MYO10: variants seen among roughly 807,000 people sequenced by gnomAD.
MYO10 encodes myosin X, also known as unconventional myosin-X.
Under a neutral mutation model 257.3 loss-of-function variants are expected in MYO10, and 133 were observed. The ratio of observed to expected loss-of-function variants is 0.52; its 90% CI spans 0.45 to 0.60. MYO10 has a LOEUF of 0.60. Ranked by LOEUF, MYO10 falls within the 20% of genes least tolerant of loss-of-function variation. The probability of loss-of-function intolerance (pLI) is 0.00; values close to 1 mark genes in which losing one functional copy is unlikely to be tolerated. For synonymous variants in MYO10, 1,104 were observed against 1,028.6 expected (o/e 1.07, Z -1.40); for missense variants, 2,399 against 2,635.7 (o/e 0.91, Z 1.97).
At chr5:16,918,269 G>C (rs1371791326) in intron 1 of MYO10, among the ~76,000 whole-genome samples, 2 of 151,726 alleles carry the variant, frequency 1.3e-5, no homozygotes, top group Non-Finnish European at 2.9e-5. Context: ...CCATCTACAA[G>C]GCAGATAGAA....
Position 16,668,434 on chromosome 5 carries a change from A to C in MYO10, c.5918T>G (p.Leu1973Trp). Residue 1973 changes from leucine to tryptophan, a missense_variant, in exon 40 of 41, where the codon TTG becomes TGG. Leu to Trp is a moderately conservative substitution (Grantham distance 61, BLOSUM62 -2). This residue lies in a region of MYO10 where 1,820 missense variants were observed against 1,939.4 expected (regional missense o/e 0.94). Transcript: ENST00000513610. ...KEGGFPQELW[L>W]GVSADAVSVY... Reference sequence around the variant, plus strand: ...GGAGACGGCGTCCGCGCTGACACCCAACCAGAGTTCCTGAGGGAAGCCACC... The same window carrying C: ...GGAGACGGCGTCCGCGCTGACACCCCACCAGAGTTCCTGAGGGAAGCCACC... 6.2e-7 allele frequency: 1 copy of C among 1,612,326 alleles called. No homozygotes were observed. Among genetic ancestry groups the C allele is most frequent in the Non-Finnish European group, 8.5e-7 (1 of 1,179,302 alleles).
chr5:16,826,147 C>T (rs1399863215), intron 2 of MYO10, among the ~76,000 whole-genome samples: 4 of 151,342 alleles, frequency 2.6e-5, no homozygotes, highest in Non-Finnish European at 1.5e-5. Flanking sequence ...GAGACTCAGT[C>T]TCGAAAAACA....
intron 36 of MYO10, 37 bp from the exon 37 acceptor site, chr5:16,672,862 C>G: frequency 1.9e-6 from 3 of 1,601,938 alleles, no homozygotes; most frequent in African/African-American, 1.3e-5. Flanking sequence ...GTTCCACAGG[C>G]TGCGGCCCCA....
At position 16,936,220 on chromosome 5, in the gene MYO10, A is replaced by G. The variant is rs1746439932; in HGVS notation, c.-412T>C. 5.1e-6 allele frequency: 1 copy of G among 194,530 alleles called. No homozygotes were observed. The highest frequency in any genetic ancestry group is 1.0e-5 in the Non-Finnish European group (1 of 95,818). 12.1% of individuals were successfully genotyped at this position (194,530 alleles called of 1,614,324 possible). ...GGCCGCAAAGTGAGCAGGAGCCGCG[A>G]TCCCCGCGCGAGCGCTTGGAGGTGA... On this transcript the variant is annotated 5_prime_UTR_variant, in exon 1 of 41. Transcript: ENST00000513610.
chr5:16,715,145 C>CAA (rs58252444), intron 19 of MYO10, among the ~76,000 whole-genome samples: 1 of 87,922 alleles, frequency 1.1e-5, no homozygotes, highest in Non-Finnish European at 2.3e-5. Flanking sequence ...GGCAATTGGA[C>CAA]AAAAAAAAAA....
rs768163867 is a variant in MYO10, at chr5:16,703,047, C to T, written c.2388G>A (p.Gln796=). 6.4e-7 allele frequency: 1 copy of T among 1,556,084 alleles called. No individual in the cohort carries two copies. The highest frequency in any genetic ancestry group is 1.2e-5 in the South Asian group (1 of 84,270). Reference sequence around the variant, plus strand: ...GAGCAATCTGACCTCTGAGTTGCTTCTGGAAAACTATGGCTGCCTTTTTCA... The same window carrying T: ...GAGCAATCTGACCTCTGAGTTGCTTTTGGAAAACTATGGCTGCCTTTTTCA... The part of the protein sequence containing the change: ...LHLKKAAIVF[Q]KQLRGQIARR... Residue 796 remains glutamine (Q), a synonymous_variant, in exon 23 of 41, where the codon CAG becomes CAA. Transcript: ENST00000513610.
intron 3 of MYO10, among the ~76,000 whole-genome samples, chr5:16,802,611 C>T (rs897150954): frequency 1.4e-5 from 2 of 141,330 alleles, no homozygotes; most frequent in Non-Finnish European, 1.5e-5. Context: ...GAGCTGAGAT[C>T]ACGCCACTGC....
rs1561174494 is a variant in MYO10 at position 16,679,484 on chromosome 5, T to TA, written c.4542+462dup. On this transcript the variant is annotated intron_variant, in intron 33 of 40. Coordinates refer to ENST00000513610, the MANE Select transcript of MYO10 (RefSeq NM_012334.3). ...CTCATTTAGATTCCCGAAAGCAGGG[T>TA]ACTCAAACACAAATTTAACCAAGCG... 5.3e-5 allele frequency among the ~76,000 whole-genome samples: 8 copies of TA among 151,606 alleles called. No homozygotes were observed. In the South Asian group the frequency reaches 1.7e-3, roughly 32 times the overall value.
intron 19 of MYO10, among the ~76,000 whole-genome samples, chr5:16,731,481 A>G (rs1739580289): frequency 6.6e-6 from 1 of 151,592 alleles, no homozygotes; most frequent in South Asian, 2.1e-4. Context: ...GTGAGTAGTT[A>G]GGACTACAGG....
At chr5:16,771,890 T>C (rs1204059649) in intron 9 of MYO10, among the ~76,000 whole-genome samples, 1 of 149,948 alleles carries the variant, frequency 6.7e-6, no homozygotes, top group African/African-American at 2.4e-5. Flanking sequence ...CAGGAACTTA[T>C]CATTATTATT....
At chr5:16,704,404 C>T (rs2126560230) in intron 22 of MYO10, among the ~76,000 whole-genome samples, 175 bp downstream of exon 22, 1 of 152,240 alleles carries the variant, frequency 6.6e-6, no homozygotes, top group Admixed American at 6.5e-5. Context: ...GCAGAGCTCC[C>T]TTTCCTACCT....
intron 2 of MYO10, among the ~76,000 whole-genome samples, chr5:16,822,848 C>T (rs938334762): frequency 2.6e-5 from 4 of 151,994 alleles, no homozygotes; most frequent in East Asian, 3.9e-4. Context: ...CAACCACGCC[C>T]GGCTAATTTT....
intron 2 of MYO10, among the ~76,000 whole-genome samples, chr5:16,827,629 A>G (rs1743041931): frequency 6.6e-6 from 1 of 152,216 alleles, no homozygotes; most frequent in Non-Finnish European, 1.5e-5. Context: ...ACTTTGTTAG[A>G]TAACTATGAA....
At chr5:16,709,087 C>A (rs1250016536) in intron 21 of MYO10, among the ~76,000 whole-genome samples, 1 of 152,154 alleles carries the variant, frequency 6.6e-6, no homozygotes, top group African/African-American at 2.4e-5. Flanking sequence ...AAGCCAACAG[C>A]AAGACAACAG....
Position 16,781,751 on chromosome 5 carries a change from C to T in MYO10, c.681G>A (p.Leu227=), listed in dbSNP as rs376115374. The T allele has an allele frequency of 2.5e-6, 4 of 1,613,818 alleles. No homozygotes were observed. Among genetic ancestry groups the T allele is most frequent in the Non-Finnish European group, 3.4e-6 (4 of 1,179,864 alleles). ...NSSRFGKFVQ[L]NICQKGNIQG... ...GAATATTTCCTTTCTGACAGATGTT[C>T]AGCTGAACAAACTTCCCAAAGCGAC... The change falls in exon 6 of 41, where the codon CTG becomes CTA. Residue 227 remains leucine (L), a synonymous_variant. Transcript: ENST00000513610.
rs552847666 is a variant in MYO10, at chr5:16,936,068, C to G, written c.-260G>C. The G allele has an allele frequency of 3.7e-3, 1,874 of 512,072 alleles. 10 individuals carry two copies. Among genetic ancestry groups the G allele is most frequent in the South Asian group, 0.012 (479 of 40,324 alleles). 31.7% of individuals were successfully genotyped at this position (512,072 alleles called of 1,614,324 possible). On this transcript the variant is annotated 5_prime_UTR_variant, in exon 1 of 41. Transcript: ENST00000513610. The stretch of plus-strand genomic sequence containing the variant: ...GTTCCTCACTACTGGGCGCAGCGCT[C>G]GCAAGCGGAGAACAGCTGGTGGCAC...
intron 2 of MYO10, among the ~76,000 whole-genome samples, chr5:16,825,507 T>G (rs776618748): frequency 4.6e-5 from 7 of 152,216 alleles, no homozygotes; most frequent in Non-Finnish European, 5.9e-5. Context: ...GATGCCTCCC[T>G]ATATTTTATA....
chr5:16,812,273 C>T (rs1319827077), intron 3 of MYO10, among the ~76,000 whole-genome samples: 9 of 152,178 alleles, frequency 5.9e-5, no homozygotes, highest in African/African-American at 1.9e-4. Flanking sequence ...CTAACAGGGG[C>T]ATAGAAGGCC....
Position 16,699,491 on chromosome 5 carries a change from C to A in MYO10, c.3515G>T (p.Cys1172Phe). 1 of 1,613,852 alleles carries A rather than the reference C, an allele frequency of 6.2e-7. No individual in the cohort carries two copies. The highest frequency in any genetic ancestry group is 1.1e-5 in the South Asian group (1 of 91,088). ...LSYRRDSVYSCVTLPYFHSFL... is the reference protein window; with the variant it reads ...LSYRRDSVYSFVTLPYFHSFL... ...GCTGTGGAAATACGGCAGAGTGACA[C>A]AGCTGTACACAGAGTCACGCCGGTA... The change falls in exon 26 of 41, where the codon TGT becomes TTT. Residue 1172 changes from cysteine to phenylalanine, a missense_variant. Physicochemically the swap from Cys to Phe is radical, Grantham distance 205. Coordinates refer to ENST00000513610, the MANE Select transcript of MYO10 (RefSeq NM_012334.3).
Sources: allele counts gnomAD v4.1 joint callset (sites outside exome capture counted in the v4.1 genomes callset), GRCh38; gene constraint gnomAD v4.1.1; regional missense constraint gnomAD v4.1.1; transcripts MANE v1.5; gene names NCBI Gene and HGNC (gene_info 2026-07-23, HGNC 2026-07-21).